Variants in CAGE1 observed in about 807,000 individuals in gnomAD.
CAGE1 encodes cancer antigen 1.
Under a neutral mutation model 94.9 loss-of-function variants are expected in CAGE1, and 66 were observed. That is an observed-to-expected ratio of 0.70 (90% CI 0.57 to 0.85). CAGE1 has a LOEUF of 0.85. Among genes scored for constraint, CAGE1 ranks in the 40% least tolerant of loss-of-function variants. The pLI, the probability that CAGE1 is intolerant of heterozygous loss-of-function variation, is 0.00. For synonymous variants in CAGE1, 319 were observed against 321.0 expected (o/e 0.99, Z 0.07); for missense variants, 865 against 950.4 (o/e 0.91, Z 1.18).
chr6:7,334,371 G>C (rs1758875348), intron 11 of CAGE1, among the ~76,000 whole-genome samples: 2 of 152,102 alleles, frequency 1.3e-5, no homozygotes, highest in African/African-American at 4.8e-5. Context: ...TTACACAGTG[G>C]TTTACTCATA....
Position 7,356,332 on chromosome 6 carries a change from G to A in CAGE1, c.2194-203C>T, listed in dbSNP as rs79295615. 7.0e-4 allele frequency among the ~76,000 whole-genome samples: 106 copies of A among 152,230 alleles called. 1 individual carries two copies. In the East Asian group the frequency reaches 0.019, roughly 27 times the overall value. On this transcript the variant is annotated intron_variant, in intron 9 of 13. Coordinates refer to ENST00000502583, the MANE Select transcript of CAGE1 (RefSeq NM_001170692.2). ...GAACAGATAAACAAAAATTATAATG[G>A]GGTTTTACCTTTCCTCTTTATACTA... is the stretch of plus-strand genomic sequence containing the variant.
rs1187226068 is a variant in CAGE1 at position 7,373,022 on chromosome 6, A to C, written c.1746+51T>G. ...ACGTCTAAATACGCATCACTAGACC[A>C]CTAGAAACTCTTGAAATTCCGCATT... On this transcript the variant is annotated intron_variant, in intron 5 of 13. Coordinates refer to ENST00000502583, the MANE Select transcript of CAGE1 (RefSeq NM_001170692.2). The C allele has an allele frequency of 4.6e-6, 6 of 1,311,436 alleles. No homozygotes were observed. The East Asian group carries it at 1.4e-4, about 30-fold the overall frequency. The allele number at this position is 1,311,436 out of a possible 1,614,324, so 81.2% of individuals were successfully genotyped here. A position where few individuals can be genotyped will look rare whatever the true frequency, so the allele number is the denominator to read the frequency against.
At position 7,387,170 on chromosome 6, in the gene CAGE1, T is replaced by C. The variant is rs1021333963; in HGVS notation, c.4A>G (p.Asn2Asp). 7.1e-6 allele frequency: 11 copies of C among 1,549,668 alleles called. No individual in the cohort carries two copies. The highest frequency in any genetic ancestry group is 2.7e-5 in the African/African-American group (2 of 72,922). The change falls in exon 2 of 14, where the codon AAC (asparagine) becomes GAC (aspartate). Residue 2 changes from asparagine to aspartate, a missense_variant. Physicochemically the swap from Asn to Asp is conservative, Grantham distance 23. Coordinates refer to ENST00000502583, the MANE Select transcript of CAGE1 (RefSeq NM_001170692.2). The part of the protein sequence containing the change: M[N>D]KDYQKFWSSP... ...GACCAAAATTTTTGATAGTCCTTGT[T>C]CATAACTGTTGAACAATAGAAGACT... is the stretch of plus-strand genomic sequence containing the variant.
At chr6:7,387,937 GGGA>G (rs1314174229) in intron 1 of CAGE1, among the ~76,000 whole-genome samples, 2 of 150,738 alleles carry the variant, frequency 1.3e-5, no homozygotes, top group Non-Finnish European at 2.9e-5. Context: ...TGGAGGCTGA[GGGA>G]GGAGAATGGC....
intron 10 of CAGE1, 96 bp downstream of exon 10, chr6:7,355,929 A>G (rs1759938264): frequency 1.5e-6 from 1 of 665,728 alleles, no homozygotes; most frequent in Non-Finnish European, 2.6e-6. Flanking sequence ...GCTTGAGCCC[A>G]GGGGATTGAG....
chr6:7,360,379 A>G (rs1445392002), intron 9 of CAGE1, among the ~76,000 whole-genome samples: 1 of 152,148 alleles, frequency 6.6e-6, no homozygotes, highest in East Asian at 1.9e-4. Flanking sequence ...AGGTGAAGCC[A>G]GGGTATTTAG....
At chr6:7,374,220 G>T in intron 4 of CAGE1, 89 bp from the exon 5 acceptor site, 1 of 1,030,682 alleles carries the variant, frequency 9.7e-7, no homozygotes, top group Non-Finnish European at 1.4e-6. Context: ...AATTCTATTA[G>T]TAGATCCCCT....
chr6:7,384,172 G>A (rs371756743), intron 3 of CAGE1, among the ~76,000 whole-genome samples: 2 of 151,922 alleles, frequency 1.3e-5, no homozygotes, highest in African/African-American at 4.8e-5. Flanking sequence ...CCACCCCCTG[G>A]GTTCATGCCA....
chr6:7,373,609 C>T lies in CAGE1; in HGVS notation c.1210G>A (p.Glu404Lys). The T allele has an allele frequency of 6.2e-7, 1 of 1,613,378 alleles. No homozygotes were observed. The highest frequency in any genetic ancestry group is 8.5e-7 in the Non-Finnish European group (1 of 1,179,782). The change falls in exon 5 of 14, where the codon GAA becomes AAA. Residue 404 changes from glutamate (E) to lysine (K), a missense_variant. Physicochemically the swap from Glu to Lys is moderately conservative, Grantham distance 56. Transcript: ENST00000502583. ...TTCTTAAATTGAAGCTGTAACATTTCCTTGTCATTCCTGGATTCCTGAAGA... is the reference window on the plus strand; with the variant it reads ...TTCTTAAATTGAAGCTGTAACATTTTCTTGTCATTCCTGGATTCCTGAAGA... ...KHLQESRNDK[E>K]MLQLQFKKIK...
chr6:7,348,716 GA>G (rs1001055159), intron 11 of CAGE1, among the ~76,000 whole-genome samples: 28 of 151,124 alleles, frequency 1.9e-4, no homozygotes, highest in African/African-American at 6.1e-4. Context: ...ATAGCATAAA[GA>G]AAAAAAAACT....
At chr6:7,343,574 T>C (rs1442244051) in intron 11 of CAGE1, among the ~76,000 whole-genome samples, 1 of 152,152 alleles carries the variant, frequency 6.6e-6, no homozygotes, top group Non-Finnish European at 1.5e-5. Flanking sequence ...GGGCAGTGAG[T>C]TGTCATTTAT....
chr6:7,376,207 G>A (rs1581695453), intron 4 of CAGE1, among the ~76,000 whole-genome samples: 3 of 151,700 alleles, frequency 2.0e-5, no homozygotes, highest in Admixed American at 2.0e-4. Context: ...GGCTAACACT[G>A]TGAAACCCTG....
rs548065612 is a variant in CAGE1, at chr6:7,338,386, G to T, written c.2370-4296C>A. Among the ~76,000 whole-genome samples the T allele has an allele frequency of 1.8e-4, 27 of 152,210 alleles. No individual in the cohort carries two copies. The South Asian group carries it at 2.5e-3, about 14-fold the overall frequency. On this transcript the variant is annotated intron_variant, in intron 11 of 13. Transcript: ENST00000502583. Reference sequence around the variant, plus strand: ...TATAATGTTAGTAGGCTTTTTGTAGGTGCTCTTTGTCCTTATTGAGACAGT... The same window carrying T: ...TATAATGTTAGTAGGCTTTTTGTAGTTGCTCTTTGTCCTTATTGAGACAGT...
At position 7,357,525 on chromosome 6, in the gene CAGE1, A is replaced by G. The variant is rs147721513; in HGVS notation, c.2194-1396T>C. Among the ~76,000 whole-genome samples the G allele has an allele frequency of 2.8e-3, 426 of 152,280 alleles. 4 individuals carry two copies. Among genetic ancestry groups the G allele is most frequent in the African/African-American group, 9.5e-3 (394 of 41,562 alleles). On this transcript the variant is annotated intron_variant, in intron 9 of 13. Coordinates refer to ENST00000502583, the MANE Select transcript of CAGE1 (RefSeq NM_001170692.2). ...CAAGATCAAAATAACAACCCTTTTAAGTCTGCAGATGGATTTTTTTTTAAT... is the reference window on the plus strand; with the variant it reads ...CAAGATCAAAATAACAACCCTTTTAGGTCTGCAGATGGATTTTTTTTTAAT...
chr6:7,368,244 C>A (rs1351432911), intron 7 of CAGE1, among the ~76,000 whole-genome samples: 1 of 115,522 alleles, frequency 8.7e-6, no homozygotes, highest in Admixed American at 9.6e-5. Context: ...CAGAGCAAGA[C>A]TCTGTCTCAA....
At chr6:7,360,242 T>C (rs1360923219) in intron 9 of CAGE1, among the ~76,000 whole-genome samples, 2 of 152,162 alleles carry the variant, frequency 1.3e-5, no homozygotes, top group African/African-American at 4.8e-5. Context: ...AAGTCCATTC[T>C]GCCATGTTCT....
chr6:7,337,676 A>G (rs1171632326), intron 11 of CAGE1, among the ~76,000 whole-genome samples: 1 of 152,186 alleles, frequency 6.6e-6, no homozygotes, highest in African/African-American at 2.4e-5. Context: ...CCATATATGC[A>G]TGGGTCCAGG....
At chr6:7,358,070 A>ATATATATATATATATATATATT (rs1321838889) in intron 9 of CAGE1, among the ~76,000 whole-genome samples, 1 of 120,898 alleles carries the variant, frequency 8.3e-6, no homozygotes, top group Non-Finnish European at 1.7e-5. Context: ...ATATATATAT[A>ATATATATATATATATATATATT]TGCCTCCAAA....
chr6:7,341,849 G>T lies in CAGE1; in HGVS notation c.2370-7759C>A, dbSNP rs962293011. 46 of 680,128 alleles carry T rather than the reference G, an allele frequency of 6.8e-5. No individual in the cohort carries two copies. The African/African-American group carries it at 7.8e-4, about 11-fold the overall frequency. The allele number at this position is 680,128 out of a possible 1,614,324, so 42.1% of individuals were successfully genotyped here. A position where few individuals can be genotyped will look rare whatever the true frequency, so the allele number is the denominator to read the frequency against. On this transcript the variant is annotated intron_variant, in intron 11 of 13. Coordinates refer to ENST00000502583, the MANE Select transcript of CAGE1 (RefSeq NM_001170692.2). The stretch of plus-strand genomic sequence containing the variant: ...GCAGGTGCCTTGCACTAGTAGGTCA[G>T]GAACTGGGCCACTTCTTCTTGCAGG...
Sources: allele counts gnomAD v4.1 joint callset (sites outside exome capture counted in the v4.1 genomes callset), GRCh38; gene constraint gnomAD v4.1.1; transcripts MANE v1.5; gene names NCBI Gene and HGNC (gene_info 2026-07-23, HGNC 2026-07-21).